CSTF3: variants seen among roughly 807,000 people sequenced by gnomAD.
The protein encoded by CSTF3 is cleavage stimulation factor subunit 3, also known as CF-1 77 kDa subunit.
Under a neutral mutation model 105.8 loss-of-function variants are expected in CSTF3, and 29 were observed. That is an observed-to-expected ratio of 0.27 (90% CI 0.20 to 0.37). The LOEUF (loss-of-function observed/expected upper bound fraction) is 0.37. Ranked by LOEUF, CSTF3 falls within the 10% of genes least tolerant of loss-of-function variation. CSTF3 has a pLI of 1.00. For missense variants in CSTF3, 357 were observed against 879.3 expected (o/e 0.41, Z 7.51); for synonymous variants, 252 against 281.9 (o/e 0.89, Z 1.06).
intron 1 of CSTF3, among the ~76,000 whole-genome samples, chr11:33,148,180 A>C (rs1027187486): frequency 6.6e-6 from 1 of 152,168 alleles, no homozygotes; most frequent in African/African-American, 2.4e-5. Flanking sequence ...ACCAAGCATA[A>C]TCACAATAAG....
chr11:33,109,472 C>T (rs1454666230), intron 3 of CSTF3, among the ~76,000 whole-genome samples: 1 of 152,180 alleles, frequency 6.6e-6, no homozygotes, highest in African/African-American at 2.4e-5. Flanking sequence ...TAAATTTTAG[C>T]ACACACTTAA....
chr11:33,130,137 T>G (rs1855583473), intron 3 of CSTF3, among the ~76,000 whole-genome samples: 1 of 152,232 alleles, frequency 6.6e-6, no homozygotes, highest in South Asian at 2.1e-4. Context: ...TCTTTCATTT[T>G]TATTTTTCAT....
chr11:33,090,412 C>A, intron 17 of CSTF3, 120 bp downstream of exon 17: 1 of 601,952 alleles, frequency 1.7e-6, no homozygotes, highest in Non-Finnish European at 2.6e-6. Flanking sequence ...TTTCTTGCTT[C>A]CTGCAAATCT....
intron 3 of CSTF3, among the ~76,000 whole-genome samples, chr11:33,121,426 C>T (rs140944175): frequency 1.3e-5 from 2 of 152,194 alleles, no homozygotes; most frequent in South Asian, 2.1e-4. Context: ...TCTCCAAACA[C>T]GGCCACATTT....
Position 33,155,864 on chromosome 11 carries a change from T to TA in CSTF3, c.27+5434dup, listed in dbSNP as rs140148744. On this transcript the variant is annotated intron_variant, in intron 1 of 20. Coordinates refer to ENST00000323959, the MANE Select transcript of CSTF3 (RefSeq NM_001326.3). ...AATCACCGTCACCAAATCGAAGATT[T>TA]AAAAAAAAAAGCTTAAAATCATGAA... Among the ~76,000 whole-genome samples, 39 of 148,968 alleles carry TA rather than the reference T, an allele frequency of 2.6e-4. No individual in the cohort carries two copies. The East Asian group carries it at 3.0e-3, about 11-fold the overall frequency.
At chr11:33,110,105 A>G (rs958731958) in intron 3 of CSTF3, among the ~76,000 whole-genome samples, 1 of 152,126 alleles carries the variant, frequency 6.6e-6, no homozygotes, top group African/African-American at 2.4e-5. Flanking sequence ...TTTGTTAAGG[A>G]CCTGATAGTT....
In CSTF3 at chr11:33,096,314, T is replaced by G; in HGVS notation, c.1367A>C (p.His456Pro). 1.3e-6 allele frequency: 2 copies of G among 1,557,824 alleles called. No individual in the cohort carries two copies. Among genetic ancestry groups the G allele is most frequent in the Non-Finnish European group, 8.6e-7 (1 of 1,159,116 alleles). The change falls in exon 15 of 21, where the codon CAC becomes CCC. Residue 456 changes from histidine to proline, a missense_variant. Coordinates refer to ENST00000323959, the MANE Select transcript of CSTF3 (RefSeq NM_001326.3). Reference protein sequence around the residue: ...YVLAYIDYLSHLNEDNNTRVL... With the variant: ...YVLAYIDYLSPLNEDNNTRVL... ...TTCTAGAATCAACCTACCATTGAGG[T>G]GAGAAAGATAGTCAATATAGGCCAG...
intron 16 of CSTF3, 42 bp from the exon 17 acceptor site, chr11:33,090,769 G>A: frequency 1.4e-6 from 2 of 1,381,240 alleles, no homozygotes; most frequent in Non-Finnish European, 1.9e-6. Flanking sequence ...ATTATTCTGG[G>A]TTTAGGGCAG....
intron 1 of CSTF3, chr11:33,144,737 G>A (rs1396447244): frequency 1.3e-5 from 2 of 152,772 alleles, no homozygotes; most frequent in African/African-American, 4.8e-5. Flanking sequence ...AAGCCTTTTG[G>A]GAGGCCGAGA....
chr11:33,108,288 T>C, intron 4 of CSTF3, 98 bp downstream of exon 4: 1 of 1,108,626 alleles, frequency 9.0e-7, no homozygotes, highest in Non-Finnish European at 1.2e-6. Flanking sequence ...AATCACTATC[T>C]AGATTCAATT....
At chr11:33,125,903 G>A (rs902911922) in intron 3 of CSTF3, among the ~76,000 whole-genome samples, 5 of 152,058 alleles carry the variant, frequency 3.3e-5, no homozygotes, top group Non-Finnish European at 5.9e-5. Context: ...TAATTCCTTA[G>A]TGCTGTAAGT....
chr11:33,095,006 C>T (rs1565002765), intron 15 of CSTF3, among the ~76,000 whole-genome samples: 1 of 152,178 alleles, frequency 6.6e-6, no homozygotes, highest in African/African-American at 2.4e-5. Flanking sequence ...TCAAGCGATT[C>T]TCCTGCCTCA....
At chr11:33,087,576 C>T (rs1314895121) in intron 17 of CSTF3, among the ~76,000 whole-genome samples, 1 of 152,202 alleles carries the variant, frequency 6.6e-6, no homozygotes, top group African/African-American at 2.4e-5. Flanking sequence ...TTTGTGAAGG[C>T]ATCACACCGG....
At chr11:33,105,970 T>C (rs753750144) in intron 6 of CSTF3, 28 bp downstream of exon 6, 3 of 1,584,198 alleles carry the variant, frequency 1.9e-6, no homozygotes, top group Non-Finnish European at 2.6e-6. Context: ...TACATTTAAG[T>C]GCATACATTA....
At chr11:33,140,050 C>T (rs933965110) in intron 3 of CSTF3, among the ~76,000 whole-genome samples, 6 of 151,962 alleles carry the variant, frequency 3.9e-5, no homozygotes, top group Non-Finnish European at 1.5e-5. Context: ...AATTGAGAAA[C>T]AAGGAAATTT....
chr11:33,085,208 G>A lies in CSTF3; in HGVS notation c.2033C>T (p.Ala678Val), dbSNP rs1855091834. 6.2e-7 allele frequency: 1 copy of A among 1,611,592 alleles called. No homozygotes were observed. The highest frequency in any genetic ancestry group is 1.3e-5 in the African/African-American group (1 of 74,768). Residue 678 changes from alanine (A) to valine (V), a missense_variant, in exon 21 of 21, where the codon GCA becomes GTA. By Grantham distance (64) the Ala-to-Val change is moderately conservative (BLOSUM62 0). This residue lies in a region of CSTF3 where 73 missense variants were observed against 105.8 expected (regional missense o/e 0.69). Transcript: ENST00000323959. ...CCTTTTGACGGCCTTGGTGAGTACT[G>A]CATTACTTTCCACGGGGCCGTTGCC... ...VEGNGPVESNAVLTKAVKRPN... is the reference protein window; with the variant it reads ...VEGNGPVESNVVLTKAVKRPN...
intron 1 of CSTF3, among the ~76,000 whole-genome samples, chr11:33,153,504 G>A (rs1400350383): frequency 6.6e-6 from 1 of 151,992 alleles, no homozygotes; most frequent in Non-Finnish European, 1.5e-5. Context: ...TGGGCACAGT[G>A]GGTCACAACT....
At chr11:33,130,499 T>C (rs1590278173) in intron 3 of CSTF3, among the ~76,000 whole-genome samples, 1 of 151,924 alleles carries the variant, frequency 6.6e-6, no homozygotes, top group South Asian at 2.1e-4. Flanking sequence ...TAAGAGATCA[T>C]AGGGAATCTA....
chr11:33,149,993 T>C (rs567161688), intron 1 of CSTF3, among the ~76,000 whole-genome samples: 1 of 151,970 alleles, frequency 6.6e-6, no homozygotes, highest in East Asian at 1.9e-4. Flanking sequence ...CACTGCAGCC[T>C]GGGCGACAGA....
Sources: gnomAD v4.1 joint callset for allele counts (sites outside exome capture counted in the v4.1 genomes callset) on GRCh38, gnomAD v4.1.1 for gene constraint, gnomAD v4.1.1 regional missense constraint, MANE v1.5 for transcripts, NCBI Gene and HGNC (gene_info 2026-07-23, HGNC 2026-07-21) for gene names.